SKI: variants seen among roughly 807,000 people sequenced by gnomAD.
SKI encodes the protein SKI proto-oncogene.
A neutral mutation model predicts 59.3 loss-of-function variants in SKI; 23 were observed. The ratio of observed to expected loss-of-function variants is 0.39; its 90% confidence interval spans 0.28 to 0.55. SKI has a LOEUF of 0.55. Among genes scored for constraint, SKI ranks in the 20% least tolerant of loss-of-function variants. SKI has a pLI of 0.67. For missense variants in SKI, 1,017 were observed against 1,038.9 expected (o/e 0.98, Z 0.29); for synonymous variants, 673 against 488.6 (o/e 1.38, Z -4.98).
In SKI at chr1:2,269,182, AG is replaced by A. The variant is rs1218514000; in HGVS notation, c.970-33795del. Among the ~76,000 whole-genome samples, 3 of 152,130 alleles carry A rather than the reference AG, an allele frequency of 2.0e-5. No homozygotes were observed. Among genetic ancestry groups the A allele is most frequent in the African/African-American group, 4.8e-5 (2 of 41,430 alleles). On this transcript the variant is annotated intron_variant, in intron 1 of 6. Transcript: ENST00000378536. This position sits in a 1 kb window ranked among gnomAD's most constrained non-coding sequence, Gnocchi z 4.7. Reference sequence around the variant, plus strand: ...GGCTGGTCTAGAACTCCTGGGCTCAAGCGATCCTCCTGCTTCAGCCTCCCAA... The same window carrying A: ...GGCTGGTCTAGAACTCCTGGGCTCAACGATCCTCCTGCTTCAGCCTCCCAA...
At chr1:2,285,738 A>G (rs1386687733) in intron 1 of SKI, among the ~76,000 whole-genome samples, 1 of 149,492 alleles carries the variant, frequency 6.7e-6, no homozygotes. Flanking sequence ...CAATTTTTGT[A>G]TTTGTAGCAG....
chr1:2,282,527 C>T lies in SKI; in HGVS notation c.970-20451C>T, dbSNP rs544431880. Among the ~76,000 whole-genome samples, 32 of 151,680 alleles carry T rather than the reference C, an allele frequency of 2.1e-4. 4 individuals are homozygous for T. The highest frequency in any genetic ancestry group is 1.5e-3 in the Admixed American group (23 of 15,226). ...GGACGCCTGAGAAGACAGGCAGTGG[C>T]GGAGATCTTCAGAAAGAAAGCCCAG... is the stretch of plus-strand genomic sequence containing the variant. On this transcript the variant is annotated intron_variant, in intron 1 of 6. Transcript: ENST00000378536.
At chr1:2,290,972 A>G (rs1479926100) in intron 1 of SKI, among the ~76,000 whole-genome samples, 1 of 151,964 alleles carries the variant, frequency 6.6e-6, no homozygotes, top group African/African-American at 2.4e-5. Flanking sequence ...GTCTCCCTCA[A>G]TCTTTGGCGA....
rs1640616994 is a variant in SKI, at chr1:2,307,256, T to A, written c.*491T>A. 1 of 143,486 alleles carries A rather than the reference T, an allele frequency of 7.0e-6. No individual in the cohort carries two copies. Among genetic ancestry groups the A allele is most frequent in the Admixed American group, 6.9e-5 (1 of 14,500 alleles). The allele number at this position is 143,486 out of a possible 1,614,324, so 8.9% of individuals were successfully genotyped here. ...GCGGCTGCGTGAGGACAGCAGGGGT[T>A]TTTCTTCAGAGTCTATTTTTTCAGC... On this transcript the variant is annotated 3_prime_UTR_variant, in exon 7 of 7. Coordinates refer to ENST00000378536, the MANE Select transcript of SKI (RefSeq NM_003036.4).
rs1051132215 is a variant in SKI, at chr1:2,267,344, G to A, written c.970-35634G>A. Among the ~76,000 whole-genome samples, 5 of 152,218 alleles carry A rather than the reference G, an allele frequency of 3.3e-5. No homozygotes were observed. The highest frequency in any genetic ancestry group is 1.2e-4 in the African/African-American group (5 of 41,446). The stretch of plus-strand genomic sequence containing the variant: ...TGCGGTGGAGTTCTGGGGTTTGTTT[G>A]TGGGCATTTCCAGGTAGTCTGATCC... On this transcript the variant is annotated intron_variant, in intron 1 of 6. Transcript: ENST00000378536. This position sits in a 1 kb window ranked among gnomAD's most constrained non-coding sequence, Gnocchi z 4.1.
intron 1 of SKI, among the ~76,000 whole-genome samples, chr1:2,255,807 T>C (rs1264622609): frequency 2.0e-4 from 25 of 124,424 alleles, no homozygotes; most frequent in Admixed American, 2.3e-4. Flanking sequence ...CATTTCCTGT[T>C]TGTGCCACCC....
At chr1:2,255,473 G>T (rs1165600397) in intron 1 of SKI, among the ~76,000 whole-genome samples, 1 of 150,612 alleles carries the variant, frequency 6.6e-6, no homozygotes, top group Non-Finnish European at 1.5e-5. Flanking sequence ...TTTCCTGTCT[G>T]GAACACACTG....
chr1:2,234,081 C>G (rs1638700526), intron 1 of SKI, among the ~76,000 whole-genome samples: 2 of 152,192 alleles, frequency 1.3e-5, no homozygotes, highest in African/African-American at 4.8e-5. Flanking sequence ...GGCCCTGGTC[C>G]CCGTGCAGAA....
rs964384946 is a variant in SKI, at chr1:2,308,738, C to T, written c.*1973C>T. 1.3e-5 allele frequency: 2 copies of T among 152,186 alleles called. No individual in the cohort carries two copies. The highest frequency in any genetic ancestry group is 4.8e-5 in the African/African-American group (2 of 41,414). The allele number at this position is 152,186 out of a possible 1,614,324, so 9.4% of individuals were successfully genotyped here. A position where few individuals can be genotyped will look rare whatever the true frequency, so the allele number is the denominator to read the frequency against. ...GATCACAGTGAGGTAGAGGCCCTGC[C>T]CCATCCCCAGGGCCGCCAGGCTTGC... On this transcript the variant is annotated 3_prime_UTR_variant, in exon 7 of 7. Coordinates refer to ENST00000378536, the MANE Select transcript of SKI (RefSeq NM_003036.4).
intron 1 of SKI, among the ~76,000 whole-genome samples, chr1:2,261,588 C>T (rs1206331635): frequency 6.6e-6 from 1 of 152,220 alleles, no homozygotes; most frequent in Non-Finnish European, 1.5e-5. Flanking sequence ...ATATGTTGAT[C>T]CTGCAGCCTG....
intron 1 of SKI, among the ~76,000 whole-genome samples, chr1:2,244,041 T>C (rs1638935958): frequency 2.0e-5 from 3 of 151,926 alleles, no homozygotes; most frequent in South Asian, 2.1e-4. Context: ...TCTCGGCTCA[T>C]TGCAAGCTCC....
chr1:2,256,910 C>T (rs539060268), intron 1 of SKI, among the ~76,000 whole-genome samples: 10 of 152,318 alleles, frequency 6.6e-5, no homozygotes, highest in Non-Finnish European at 1.3e-4. Context: ...AGGAGGCTCG[C>T]GCCCCGATCT....
chr1:2,251,779 A>G (rs749961132), intron 1 of SKI, among the ~76,000 whole-genome samples: 24 of 152,244 alleles, frequency 1.6e-4, no homozygotes, highest in Non-Finnish European at 2.4e-4. Context: ...TGAACCGCAA[A>G]GTATTTCTTT....
At chr1:2,233,096 C>T (rs1229294879) in intron 1 of SKI, among the ~76,000 whole-genome samples, 1 of 152,166 alleles carries the variant, frequency 6.6e-6, no homozygotes, top group Non-Finnish European at 1.5e-5. Context: ...CCCCTTGTCC[C>T]GCAGAACGTC....
chr1:2,298,983 G>C (rs1214536362), intron 1 of SKI, among the ~76,000 whole-genome samples: 1 of 152,232 alleles, frequency 6.6e-6, no homozygotes, highest in African/African-American at 2.4e-5. Context: ...GCTGGTGCCT[G>C]TGAGCCCTGG....
At chr1:2,248,724 C>G (rs1639052157) in intron 1 of SKI, among the ~76,000 whole-genome samples, 2 of 152,356 alleles carry the variant, frequency 1.3e-5, no homozygotes, top group Admixed American at 6.5e-5. Context: ...AACTCACTGT[C>G]TTTCCTTCTC....
In SKI at chr1:2,307,493, C is replaced by G. The variant is rs1034546115; in HGVS notation, c.*728C>G. The stretch of plus-strand genomic sequence containing the variant: ...GACGGTCTTCGGCTCCTCTGCACCC[C>G]GTGATTCTGCCCACGCTCCTCCACC... On this transcript the variant is annotated 3_prime_UTR_variant, in exon 7 of 7. Coordinates refer to ENST00000378536, the MANE Select transcript of SKI (RefSeq NM_003036.4). 6.6e-6 allele frequency: 1 copy of G among 152,356 alleles called. No individual in the cohort carries two copies. Among genetic ancestry groups the G allele is most frequent in the Admixed American group, 6.5e-5 (1 of 15,286 alleles). 9.4% of individuals were successfully genotyped at this position (152,356 alleles called of 1,614,324 possible).
chr1:2,232,951 G>A (rs894917901), intron 1 of SKI, among the ~76,000 whole-genome samples: 2 of 152,034 alleles, frequency 1.3e-5, no homozygotes, highest in African/African-American at 2.4e-5. Context: ...CGGTCGGCTC[G>A]CCTCCTTCCT....
intron 1 of SKI, among the ~76,000 whole-genome samples, chr1:2,283,503 C>T (rs1639961367): frequency 6.6e-6 from 1 of 152,224 alleles, no homozygotes; most frequent in African/African-American, 2.4e-5. Flanking sequence ...GGGCCGGGGC[C>T]AGGACCAAAG....
Sources: gnomAD v4.1 joint callset for allele counts (sites outside exome capture counted in the v4.1 genomes callset) on GRCh38, gnomAD v4.1.1 for gene constraint, Gnocchi (gnomAD v3.1) non-coding constraint, MANE v1.5 for transcripts, NCBI Gene and HGNC (gene_info 2026-07-23, HGNC 2026-07-21) for gene names.